Variants in ANKRD12 observed in about 807,000 individuals in gnomAD.
ANKRD12 encodes the protein ankyrin repeat domain-containing protein 12.
ANKRD12 carries 85 observed loss-of-function variants against 183.4 expected under a neutral mutation model. That is an observed-to-expected ratio of 0.46 (90% CI 0.39 to 0.56). The LOEUF (loss-of-function observed/expected upper bound fraction) is 0.56, where lower values mean the gene tolerates loss of function less well. ANKRD12 is among the 20% of genes least tolerant of loss of function. The pLI, the probability that ANKRD12 is intolerant of heterozygous loss-of-function variation, is 0.00. For missense variants in ANKRD12, 2,405 were observed against 2,357.1 expected (o/e 1.02, Z -0.42); for synonymous variants, 914 against 800.2 (o/e 1.14, Z -2.40).
At position 9,257,684 on chromosome 18, in the gene ANKRD12, C is replaced by T. The variant is rs1199312997; in HGVS notation, c.4417C>T (p.Leu1473=). The change falls in exon 9 of 13, where the codon CTG becomes TTG. Residue 1473 remains leucine (L), a synonymous_variant. Transcript: ENST00000262126. ...TTTTTTATCCCTGCGCCAGACTGAA[C>T]TGCCAGGAAACTCTTGTGCTCAGGA... The part of the protein sequence containing the change: ...ADFLSLRQTE[L]PGNSCAQDPA... 6 of 1,613,958 alleles carry T rather than the reference C, an allele frequency of 3.7e-6. No individual in the cohort carries two copies. In the African/African-American group the frequency reaches 5.3e-5, roughly 14 times the overall value.
intron 9 of ANKRD12, among the ~76,000 whole-genome samples, chr18:9,260,891 A>G (rs1470332496): frequency 2.0e-5 from 3 of 152,130 alleles, no homozygotes; most frequent in Non-Finnish European, 4.4e-5. Context: ...CTGAATGTCC[A>G]TAAGCTCCAG....
At chr18:9,157,832 CAA>C (rs1461199604) in intron 1 of ANKRD12, among the ~76,000 whole-genome samples, 1 of 151,608 alleles carries the variant, frequency 6.6e-6, no homozygotes, top group Non-Finnish European at 1.5e-5. Context: ...GAAAAATGAC[CAA>C]AGATATTAAC....
Position 9,233,767 on chromosome 18 carries a change from A to G in ANKRD12, c.943+11768A>G, listed in dbSNP as rs574827038. On this transcript the variant is annotated intron_variant, in intron 8 of 12. Coordinates refer to ENST00000262126, the MANE Select transcript of ANKRD12 (RefSeq NM_015208.5). The stretch of plus-strand genomic sequence containing the variant: ...TATGGTGAAGTTTTGCTAGGGACAG[A>G]CATGTCAGGTGGGCCAGTCTTTGGC... 2.6e-5 allele frequency among the ~76,000 whole-genome samples: 4 copies of G among 152,284 alleles called. No individual in the cohort carries two copies. The South Asian group carries it at 8.3e-4, about 32-fold the overall frequency.
chr18:9,167,869 C>CT (rs1474265763), intron 1 of ANKRD12, among the ~76,000 whole-genome samples: 1 of 152,090 alleles, frequency 6.6e-6, no homozygotes, highest in Non-Finnish European at 1.5e-5. Flanking sequence ...ATACATAGCT[C>CT]TTATTGTTTT....
At chr18:9,251,072 C>G (rs2038267567) in intron 8 of ANKRD12, among the ~76,000 whole-genome samples, 1 of 151,928 alleles carries the variant, frequency 6.6e-6, no homozygotes, top group Non-Finnish European at 1.5e-5. Flanking sequence ...AATATATTTT[C>G]TAAAAATATA....
intron 8 of ANKRD12, among the ~76,000 whole-genome samples, chr18:9,248,586 G>A (rs984317143): frequency 6.6e-6 from 1 of 152,086 alleles, no homozygotes; most frequent in African/African-American, 2.4e-5. Context: ...ACTTGTGTTT[G>A]CAGTTATTTT....
intron 1 of ANKRD12, among the ~76,000 whole-genome samples, chr18:9,147,321 T>C (rs920231697): frequency 1.1e-4 from 16 of 152,132 alleles, no homozygotes; most frequent in African/African-American, 3.6e-4. Context: ...AGGGCACTTT[T>C]GGGGGTTAAG....
chr18:9,192,121 C>A (rs181776332), intron 2 of ANKRD12, among the ~76,000 whole-genome samples: 58 of 152,272 alleles, frequency 3.8e-4, no homozygotes, highest in Non-Finnish European at 7.5e-4. Flanking sequence ...TTTTCCATAG[C>A]AGTAATATCC....
chr18:9,225,342 C>T (rs1196207948), intron 8 of ANKRD12, among the ~76,000 whole-genome samples: 2 of 90,776 alleles, frequency 2.2e-5, no homozygotes, highest in Non-Finnish European at 5.1e-5. Flanking sequence ...GGCATGGTGG[C>T]GTGCGTCTGT....
rs149305460 is a variant in ANKRD12 at position 9,171,034 on chromosome 18, G to A, written c.-51-11348G>A. On this transcript the variant is annotated intron_variant, in intron 1 of 12. Transcript: ENST00000262126. ...GCAGAAGCGCAGATGTTGGTGAACCGCAAATGCTGCTGCCTGATTGTTCCT... is the reference window on the plus strand; with the variant it reads ...GCAGAAGCGCAGATGTTGGTGAACCACAAATGCTGCTGCCTGATTGTTCCT... Among the ~76,000 whole-genome samples, 514 of 152,282 alleles carry A rather than the reference G, an allele frequency of 3.4e-3. 2 individuals carry two copies. The highest frequency in any genetic ancestry group is 0.011 in the African/African-American group (450 of 41,546).
intron 10 of ANKRD12, among the ~76,000 whole-genome samples, chr18:9,273,421 G>T (rs1394653535): frequency 6.6e-6 from 1 of 152,142 alleles, no homozygotes; most frequent in Non-Finnish European, 1.5e-5. Context: ...TTATAAAACT[G>T]CCAACACAAG....
rs140662710 is a variant in ANKRD12 at position 9,235,075 on chromosome 18, A to G, written c.943+13076A>G. Among the ~76,000 whole-genome samples the G allele has an allele frequency of 2.4e-3, 372 of 152,112 alleles. 8 individuals carry two copies. The highest frequency in any genetic ancestry group is 8.4e-3 in the African/African-American group (348 of 41,472). ...TTCAAGGTATGATTACCTATTTGCA[A>G]TTTTGGCTCACTCTGGAGAGGGTGG... On this transcript the variant is annotated intron_variant, in intron 8 of 12. Transcript: ENST00000262126.
At chr18:9,216,345 C>T (rs959524268) in intron 6 of ANKRD12, among the ~76,000 whole-genome samples, 7 of 152,004 alleles carry the variant, frequency 4.6e-5, no homozygotes, top group African/African-American at 1.2e-4. Flanking sequence ...ATTTTTCTTA[C>T]GATTTTGTTA....
intron 8 of ANKRD12, among the ~76,000 whole-genome samples, chr18:9,236,413 CAACA>C (rs2037348067): frequency 3.6e-5 from 2 of 55,112 alleles, no homozygotes; most frequent in African/African-American, 5.8e-5. Context: ...GCTTCAACAA[CAACA>C]AAAAATGGGC....
intron 1 of ANKRD12, among the ~76,000 whole-genome samples, chr18:9,174,141 G>C (rs2033031984): frequency 6.6e-6 from 1 of 152,208 alleles, no homozygotes; most frequent in Admixed American, 6.5e-5. Flanking sequence ...GGACCACCTG[G>C]ATTCTTGGGA....
In ANKRD12 at chr18:9,248,045, C is replaced by T. The variant is rs190878266; in HGVS notation, c.944-6166C>T. On this transcript the variant is annotated intron_variant, in intron 8 of 12. Transcript: ENST00000262126. ...TCAGGTGATGAGCCCACGTCGGCCT[C>T]CCAAAGTGCTGGGATTACAGGCATG... Among the ~76,000 whole-genome samples, 965 of 152,342 alleles carry T rather than the reference C, an allele frequency of 6.3e-3. 7 individuals carry two copies. Among genetic ancestry groups the T allele is most frequent in the Middle Eastern group, 0.017 (5 of 294 alleles).
rs189943517 is a variant in ANKRD12 at position 9,282,282 on chromosome 18, A to G, written c.*1156A>G. 6.5e-6 allele frequency: 1 copy of G among 152,722 alleles called. No individual in the cohort carries two copies. The highest frequency in any genetic ancestry group is 1.9e-4 in the East Asian group (1 of 5,192). The allele number at this position is 152,722 out of a possible 1,614,324, so 9.5% of individuals were successfully genotyped here. On this transcript the variant is annotated 3_prime_UTR_variant, in exon 13 of 13. Transcript: ENST00000262126. ...TAAAAACCAAGTATGCAAATCAAAG[A>G]TATTTGGTAGTCAAAATAAGTAAAA... is the stretch of plus-strand genomic sequence containing the variant.
intron 10 of ANKRD12, among the ~76,000 whole-genome samples, chr18:9,270,775 ATAAAT>A (rs763575503): frequency 5.9e-5 from 9 of 151,792 alleles, no homozygotes; most frequent in South Asian, 2.1e-4. Flanking sequence ...AATATAAAAA[ATAAAT>A]TCTTACTTGA....
At chr18:9,154,167 C>A (rs1568226984) in intron 1 of ANKRD12, among the ~76,000 whole-genome samples, 1 of 151,976 alleles carries the variant, frequency 6.6e-6, no homozygotes, top group Admixed American at 6.6e-5. Flanking sequence ...AGCCTGTAAT[C>A]CCCCAGCACT....
Sources: allele counts gnomAD v4.1 joint callset (sites outside exome capture counted in the v4.1 genomes callset), GRCh38; gene constraint gnomAD v4.1.1; transcripts MANE v1.5; gene names NCBI Gene and HGNC (gene_info 2026-07-23, HGNC 2026-07-21).